WDR25: variants seen among roughly 807,000 people sequenced by gnomAD.
The protein encoded by WDR25 is WD repeat-containing protein 25.
Under a neutral mutation model 47.7 loss-of-function variants are expected in WDR25, and 35 were observed. The ratio of observed to expected loss-of-function variants is 0.73; its 90% CI spans 0.56 to 0.97. The LOEUF is 0.97. Ranked by LOEUF, WDR25 falls within the 50% of genes least tolerant of loss-of-function variation. The probability of loss-of-function intolerance (pLI) is 0.00; values close to 1 mark genes in which losing one functional copy is unlikely to be tolerated. For synonymous variants in WDR25, 248 were observed against 278.9 expected (o/e 0.89, Z 1.10); for missense variants, 634 against 704.7 (o/e 0.90, Z 1.14).
chr14:100,494,379 T>C (rs1419824491), intron 4 of WDR25, among the ~76,000 whole-genome samples: 1 of 152,278 alleles, frequency 6.6e-6, no homozygotes, highest in African/African-American at 2.4e-5. Flanking sequence ...TGATTATAGT[T>C]GTTTTAAATT....
chr14:100,450,703 A>G (rs1266862854), intron 2 of WDR25, among the ~76,000 whole-genome samples: 5 of 152,330 alleles, frequency 3.3e-5, no homozygotes, highest in Admixed American at 3.3e-4. Flanking sequence ...TAAAGGTATA[A>G]CATTATTACT....
At chr14:100,456,389 A>G (rs757866612) in intron 2 of WDR25, among the ~76,000 whole-genome samples, 4 of 152,228 alleles carry the variant, frequency 2.6e-5, no homozygotes, top group Non-Finnish European at 4.4e-5. Context: ...AGTAAAAAAA[A>G]TATGAACCAT....
In WDR25 at chr14:100,530,152, A is replaced by G; in HGVS notation, c.*111A>G. 8 of 1,087,780 alleles carry G rather than the reference A, an allele frequency of 7.4e-6. No homozygotes were observed. The highest frequency in any genetic ancestry group is 1.0e-5 in the Non-Finnish European group (8 of 765,514). The allele number at this position is 1,087,780 out of a possible 1,614,324, so 67.4% of individuals were successfully genotyped here. On this transcript the variant is annotated 3_prime_UTR_variant, in exon 7 of 7. Coordinates refer to ENST00000402312, the MANE Select transcript of WDR25 (RefSeq NM_001161476.3). ...AGGTTGGCTGTGGGTCCTGGGTACC[A>G]CCTTCTGAGCCTCAGTTTCCTCATC...
At chr14:100,528,020 C>T (rs1337916636) in intron 5 of WDR25, among the ~76,000 whole-genome samples, 2 of 152,106 alleles carry the variant, frequency 1.3e-5, no homozygotes, top group East Asian at 3.8e-4. Flanking sequence ...CTCATTTGGC[C>T]ACTTACCTCC....
chr14:100,522,005 C>T (rs1037521637), intron 4 of WDR25, among the ~76,000 whole-genome samples: 6 of 152,118 alleles, frequency 3.9e-5, no homozygotes, highest in Admixed American at 1.3e-4. Context: ...ATTTGCATTG[C>T]TTTTGTTAGG....
chr14:100,382,336 G>T (rs1202278104), intron 2 of WDR25, among the ~76,000 whole-genome samples: 3 of 152,178 alleles, frequency 2.0e-5, no homozygotes, highest in Non-Finnish European at 1.5e-5. Flanking sequence ...TGAGGAAGGG[G>T]AAGGTTCGCT....
intron 3 of WDR25, among the ~76,000 whole-genome samples, chr14:100,471,626 CGT>C (rs1566926498): frequency 6.6e-6 from 1 of 152,172 alleles, no homozygotes; most frequent in African/African-American, 2.4e-5. Context: ...CAGTGCAGGG[CGT>C]TCTCACCGCA....
Position 100,392,142 on chromosome 14 carries a change from C to T in WDR25, c.822+10396C>T, listed in dbSNP as rs73357473. Among the ~76,000 whole-genome samples, 6,997 of 152,100 alleles carry T rather than the reference C, an allele frequency of 0.046. 565 individuals are homozygous for T. Among genetic ancestry groups the T allele is most frequent in the African/African-American group, 0.16 (6,668 of 41,434 alleles). ...AAATTAATAAATATTTTAAAATGTCCTCAGTTTTCACTTCTAATACGCGAA... is the reference window on the plus strand; with the variant it reads ...AAATTAATAAATATTTTAAAATGTCTTCAGTTTTCACTTCTAATACGCGAA... On this transcript the variant is annotated intron_variant, in intron 2 of 6. Transcript: ENST00000402312. The surrounding 1 kb of genome is among the most constrained non-coding windows in gnomAD (Gnocchi z 4.2).
At chr14:100,411,903 G>T (rs1028280079) in intron 2 of WDR25, among the ~76,000 whole-genome samples, 1 of 152,116 alleles carries the variant, frequency 6.6e-6, no homozygotes, top group East Asian at 1.9e-4. Context: ...GTCATCTAAA[G>T]AAATGCAAAA....
intron 2 of WDR25, among the ~76,000 whole-genome samples, chr14:100,451,348 C>T (rs1187662715): frequency 1.3e-5 from 2 of 151,406 alleles, no homozygotes; most frequent in Non-Finnish European, 2.9e-5. Flanking sequence ...CTCAGGTGAT[C>T]CTCCCACCTC....
intron 4 of WDR25, among the ~76,000 whole-genome samples, chr14:100,513,269 A>G (rs1435731966): frequency 1.3e-5 from 2 of 152,202 alleles, no homozygotes; most frequent in Non-Finnish European, 1.5e-5. Context: ...AGATTACGTC[A>G]TGAGGGCTCC....
chr14:100,463,601 C>T (rs1302896530), intron 2 of WDR25, among the ~76,000 whole-genome samples: 1 of 152,224 alleles, frequency 6.6e-6, no homozygotes, highest in Admixed American at 6.5e-5. Flanking sequence ...AAGGCTGCGG[C>T]ACAATTTCCA....
At chr14:100,420,382 CCT>C (rs1897992723) in intron 2 of WDR25, among the ~76,000 whole-genome samples, 1 of 152,114 alleles carries the variant, frequency 6.6e-6, no homozygotes, top group Non-Finnish European at 1.5e-5. Context: ...GCTCAGTATC[CCT>C]GTTTTTACAG....
intron 1 of WDR25, chr14:100,376,745 G>A (rs1214379727): frequency 1.5e-5 from 19 of 1,228,906 alleles, no homozygotes; most frequent in Non-Finnish European, 1.9e-5. Context: ...TGGGGCCTCC[G>A]GGGGGATCTG....
intron 2 of WDR25, among the ~76,000 whole-genome samples, chr14:100,446,966 T>C (rs1898855761): frequency 6.6e-6 from 1 of 152,220 alleles, no homozygotes; most frequent in Non-Finnish European, 1.5e-5. Context: ...ATCATTATTA[T>C]CCCATCACAT....
At chr14:100,444,542 C>G (rs1898768070) in intron 2 of WDR25, among the ~76,000 whole-genome samples, 1 of 103,370 alleles carries the variant, frequency 9.7e-6, no homozygotes, top group Non-Finnish European at 2.0e-5. Flanking sequence ...TGACTTCCTT[C>G]TTGCACTGGC....
At chr14:100,410,746 C>G (rs1443789890) in intron 2 of WDR25, among the ~76,000 whole-genome samples, 2 of 151,340 alleles carry the variant, frequency 1.3e-5, no homozygotes, top group African/African-American at 4.9e-5. Flanking sequence ...TCTTAAACTA[C>G]AGGACACTCA....
At position 100,530,053 on chromosome 14, in the gene WDR25, C is replaced by G; in HGVS notation, c.*12C>G. On this transcript the variant is annotated 3_prime_UTR_variant, in exon 7 of 7. Coordinates refer to ENST00000402312, the MANE Select transcript of WDR25 (RefSeq NM_001161476.3). The stretch of plus-strand genomic sequence containing the variant: ...AGATCTGGCACTGAGCTTTTTGTCA[C>G]TGAACCTTCCCGATGCCAGCTGGGC... 1 of 1,601,886 alleles carries G rather than the reference C, an allele frequency of 6.2e-7. No individual in the cohort carries two copies. The highest frequency in any genetic ancestry group is 8.5e-7 in the Non-Finnish European group (1 of 1,172,290).
chr14:100,474,200 A>T (rs1200846874), intron 3 of WDR25, among the ~76,000 whole-genome samples: 1 of 152,192 alleles, frequency 6.6e-6, no homozygotes, highest in Non-Finnish European at 1.5e-5. Context: ...TCTCACTCTG[A>T]AAGTGCTTCT....
Sources: allele counts gnomAD v4.1 joint callset (sites outside exome capture counted in the v4.1 genomes callset), GRCh38; gene constraint gnomAD v4.1.1; non-coding constraint Gnocchi (gnomAD v3.1); transcripts MANE v1.5; gene names NCBI Gene and HGNC (gene_info 2026-07-23, HGNC 2026-07-21).